ERG: variants seen among roughly 807,000 people sequenced by gnomAD.
ERG encodes the protein ETS transcription factor ERG, also known as transcriptional regulator ERG.
A neutral mutation model predicts 55.3 loss-of-function variants in ERG; 9 were observed. That is an observed-to-expected ratio of 0.16 (90% CI 0.10 to 0.28). ERG has a LOEUF of 0.28. Ranked by LOEUF, ERG falls within the 10% of genes least tolerant of loss-of-function variation. The probability of loss-of-function intolerance (pLI) is 1.00; values close to 1 mark genes in which losing one functional copy is unlikely to be tolerated. For synonymous variants in ERG, 223 were observed against 237.3 expected (o/e 0.94, Z 0.55); for missense variants, 434 against 631.6 (o/e 0.69, Z 3.35).
upstream of ERG, among the ~76,000 whole-genome samples, chr21:38,501,026 A>G (rs538704648): frequency 1.3e-5 from 2 of 152,042 alleles, no homozygotes; most frequent in South Asian, 4.1e-4. Context: ...AAGTGTTTTA[A>G]AAAAATCTTT....
chr21:38,371,229 C>T, the ERG span, among the ~76,000 whole-genome samples: 1 of 151,816 alleles, frequency 6.6e-6, no homozygotes, highest in Non-Finnish European at 1.5e-5. Flanking sequence ...TGTAAAAATG[C>T]AATTGAATTT....
chr21:38,459,664 G>T (rs1292207248), intron 1 of ERG, among the ~76,000 whole-genome samples: 1 of 152,138 alleles, frequency 6.6e-6, no homozygotes, highest in Non-Finnish European at 1.5e-5. Flanking sequence ...TTAGAAGTTT[G>T]CCTCAGAGAA....
chr21:38,571,066 T>C (rs2059954543), intron 2 of ERG, among the ~76,000 whole-genome samples: 1 of 152,202 alleles, frequency 6.6e-6, no homozygotes. Flanking sequence ...ATTTATAGGA[T>C]CCTAAGAAAA....
At chr21:38,597,144 G>A (rs1659198251) in intron 1 of ERG, among the ~76,000 whole-genome samples, 1 of 152,148 alleles carries the variant, frequency 6.6e-6, no homozygotes, top group South Asian at 2.1e-4. Context: ...TTTCAGACTT[G>A]CCAGTCTACA....
intron 1 of ERG, among the ~76,000 whole-genome samples, chr21:38,619,655 G>A (rs975804794): frequency 6.6e-6 from 1 of 152,200 alleles, no homozygotes; most frequent in African/African-American, 2.4e-5. Context: ...ACTGTTTATA[G>A]GGCCAGAATT....
intron 2 of ERG, among the ~76,000 whole-genome samples, chr21:38,574,824 T>C (rs1022010218): frequency 6.6e-6 from 1 of 152,244 alleles, no homozygotes; most frequent in Non-Finnish European, 1.5e-5. Flanking sequence ...GAACTGGCCA[T>C]GCAGTCAATT....
At chr21:38,606,058 TA>T (rs1332971656) in intron 1 of ERG, among the ~76,000 whole-genome samples, 4 of 144,284 alleles carry the variant, frequency 2.8e-5, no homozygotes, top group Non-Finnish European at 4.8e-5. Flanking sequence ...AAATGATTGA[TA>T]AATGATAGAG....
At chr21:38,624,533 C>T (rs2060313171) in intron 1 of ERG, among the ~76,000 whole-genome samples, 1 of 152,232 alleles carries the variant, frequency 6.6e-6, no homozygotes, top group African/African-American at 2.4e-5. Context: ...AGTTCATGCA[C>T]CAGCTCTGCT....
At chr21:38,511,312 T>G (rs1453794226) in intron 2 of ERG, among the ~76,000 whole-genome samples, 1 of 152,210 alleles carries the variant, frequency 6.6e-6, no homozygotes, top group African/African-American at 2.4e-5. Flanking sequence ...TGAAATTATT[T>G]CCAGCATTGA....
chr21:38,607,510 T>C (rs1415684151), intron 1 of ERG, among the ~76,000 whole-genome samples: 1 of 152,036 alleles, frequency 6.6e-6, no homozygotes, highest in African/African-American at 2.4e-5. Flanking sequence ...CGGGCACCTG[T>C]AGTCCCAGCT....
intron 1 of ERG, among the ~76,000 whole-genome samples, chr21:38,630,397 C>T (rs1414613182): frequency 1.3e-5 from 2 of 152,104 alleles, no homozygotes; most frequent in African/African-American, 4.8e-5. Context: ...ACAGGGCTTC[C>T]TCTTTATGAT....
chr21:38,616,580 T>G (rs773691774), intron 1 of ERG, among the ~76,000 whole-genome samples: 1 of 151,442 alleles, frequency 6.6e-6, no homozygotes, highest in African/African-American at 2.4e-5. Flanking sequence ...GTATAAGATA[T>G]ATGGCCTGTA....
intron 3 of ERG, among the ~76,000 whole-genome samples, chr21:38,416,233 C>T (rs751337614): frequency 1.3e-5 from 2 of 152,210 alleles, no homozygotes; most frequent in Non-Finnish European, 1.5e-5. Context: ...TCAGCGCTCA[C>T]AGAAGATGTC....
At chr21:38,425,503 T>G (rs1912475491) in intron 2 of ERG, among the ~76,000 whole-genome samples, 1 of 152,174 alleles carries the variant, frequency 6.6e-6, no homozygotes, top group Non-Finnish European at 1.5e-5. Context: ...TCTTAGATGG[T>G]TAACACGTAG....
intron 1 of ERG, among the ~76,000 whole-genome samples, chr21:38,468,473 AT>A (rs1007861077): frequency 3.3e-5 from 5 of 152,234 alleles, no homozygotes; most frequent in African/African-American, 1.2e-4. Flanking sequence ...AATCCTAAAG[AT>A]TTTTTTCCTT....
chr21:38,618,438 T>C (rs75706068), intron 1 of ERG, among the ~76,000 whole-genome samples: 3,137 of 152,296 alleles, frequency 0.021, 38 homozygotes, highest in East Asian at 0.051. Context: ...TTGACTCTAA[T>C]AGACCTTTTC....
intron 1 of ERG, among the ~76,000 whole-genome samples, chr21:38,456,603 T>C (rs935030759): frequency 6.8e-6 from 1 of 147,850 alleles, no homozygotes; most frequent in African/African-American, 2.5e-5. Flanking sequence ...ATCCCCATCA[T>C]TGTTGGCATG....
intron 2 of ERG, among the ~76,000 whole-genome samples, chr21:38,528,784 A>T (rs2059650922): frequency 6.6e-6 from 1 of 152,142 alleles, no homozygotes; most frequent in African/African-American, 2.4e-5. Flanking sequence ...ATTTATTAAA[A>T]TTTGGTATAA....
At chr21:38,422,957 G>C (rs1172422614) in intron 3 of ERG, among the ~76,000 whole-genome samples, 1 of 152,094 alleles carries the variant, frequency 6.6e-6, no homozygotes, top group East Asian at 1.9e-4. Flanking sequence ...TCTCCAAGAA[G>C]TGGCAATTCC....
Sources: gnomAD v4.1 joint callset for allele counts (sites outside exome capture counted in the v4.1 genomes callset) on GRCh38, gnomAD v4.1.1 for gene constraint, MANE v1.5 for transcripts, NCBI Gene and HGNC (gene_info 2026-07-23, HGNC 2026-07-21) for gene names.